The following DLGAP1 variants were observed in gnomAD, a reference collection of about 807,000 sequenced individuals.
The protein encoded by DLGAP1 is DLG associated protein 1.
A neutral mutation model predicts 90.8 loss-of-function variants in DLGAP1; 11 were observed. That is an observed-to-expected ratio of 0.12 (90% CI 0.08 to 0.20). The LOEUF (loss-of-function observed/expected upper bound fraction) is 0.20, where lower values mean the gene tolerates loss of function less well. Ranked by LOEUF, DLGAP1 falls within the 10% of genes least tolerant of loss-of-function variation. DLGAP1 has a pLI of 1.00. For missense variants in DLGAP1, 1,050 were observed against 1,333.8 expected, an observed-to-expected ratio of 0.79 and a Z score of 3.31; for synonymous variants, 558 against 540.7, an observed-to-expected ratio of 1.03 and a Z score of -0.44.
At chr18:3,963,714 T>C (rs931081743) in intron 3 of DLGAP1, among the ~76,000 whole-genome samples, 21 of 152,002 alleles carry the variant, frequency 1.4e-4, no homozygotes, top group African/African-American at 4.6e-4. Context: ...CCTTGATATA[T>C]GCCCTTGTCC....
intron 3 of DLGAP1, among the ~76,000 whole-genome samples, chr18:3,903,031 C>T (rs1217732894): frequency 1.3e-5 from 2 of 152,176 alleles, no homozygotes; most frequent in Non-Finnish European, 2.9e-5. Flanking sequence ...GAAACATTCA[C>T]CATGTGTACA....
intron 1 of DLGAP1, among the ~76,000 whole-genome samples, chr18:4,339,480 A>G (rs36023455): frequency 0.072 from 11,013 of 152,264 alleles, 430 homozygotes; most frequent in Non-Finnish European, 0.081. Context: ...GGAACTTAGA[A>G]TAAAATAAAA....
chr18:3,745,840 C>T (rs1054874467), intron 5 of DLGAP1, among the ~76,000 whole-genome samples: 1 of 152,062 alleles, frequency 6.6e-6, no homozygotes, highest in African/African-American at 2.4e-5. Flanking sequence ...CAGGAACATG[C>T]CATCAAGCCC....
At position 3,526,730 on chromosome 18, in the gene DLGAP1, T is replaced by C. The variant is rs1028893424; in HGVS notation, c.2479+7464A>G. 6.6e-6 allele frequency among the ~76,000 whole-genome samples: 1 copy of C among 152,238 alleles called. No individual in the cohort carries two copies. The highest frequency in any genetic ancestry group is 2.4e-5 in the African/African-American group (1 of 41,456). On this transcript the variant is annotated intron_variant, in intron 10 of 12. Transcript: ENST00000315677. This position sits in a 1 kb window ranked among gnomAD's most constrained non-coding sequence, Gnocchi z 4.7. ...CCACAGTGGTAGACTGCATTCCTAG[T>C]TGGAGGCATTCAGCTCCATCTGGTC...
At chr18:4,098,150 G>C (rs1423075405) in intron 2 of DLGAP1, among the ~76,000 whole-genome samples, 2 of 152,192 alleles carry the variant, frequency 1.3e-5, no homozygotes, top group Non-Finnish European at 2.9e-5. Flanking sequence ...TTGGGCTCAA[G>C]TGATCCTCCT....
At chr18:3,713,474 G>A (rs368082075) in intron 7 of DLGAP1, among the ~76,000 whole-genome samples, 119 of 152,322 alleles carry the variant, frequency 7.8e-4, no homozygotes, top group African/African-American at 2.7e-3. Flanking sequence ...TCTAAAAGGG[G>A]AAATGAGTAA....
At chr18:3,978,229 C>A in intron 3 of DLGAP1, 2 of 430,578 alleles carry the variant, frequency 4.6e-6, no homozygotes, top group East Asian at 6.1e-5. Context: ...TCTCATCGTT[C>A]ATGCCCATCA....
At chr18:4,262,528 G>A (rs958949339) in intron 1 of DLGAP1, among the ~76,000 whole-genome samples, 3 of 152,206 alleles carry the variant, frequency 2.0e-5, no homozygotes, top group Admixed American at 6.5e-5. Context: ...TTAAATGATT[G>A]TTAGCATTTA....
intron 1 of DLGAP1, among the ~76,000 whole-genome samples, chr18:4,269,752 G>A (rs2079232190): frequency 6.6e-6 from 1 of 151,616 alleles, no homozygotes; most frequent in Admixed American, 6.6e-5. Context: ...AAGTTAAAAT[G>A]GCCAATGATA....
Position 3,880,058 on chromosome 18 carries a change from A to G in DLGAP1, c.11T>C (p.Leu4Pro), listed in dbSNP as rs755544030. The change falls in exon 4 of 13, where the codon CTA (leucine) becomes CCA (proline). Residue 4 changes from leucine (L) to proline (P), a missense_variant. By Grantham distance (98) the Leu-to-Pro change is moderately conservative (BLOSUM62 -3). This residue lies in a region of DLGAP1 where 485 missense variants were observed against 454.1 expected (regional missense o/e 1.07). Coordinates refer to ENST00000315677, the MANE Select transcript of DLGAP1 (RefSeq NM_004746.4). ...GTGGTGATGGCTGCGGCTGCCTGAT[A>G]GCCCTTTCATGGCGGACCGGAAGCA... MKG[L>P]SGSRSHHHGV... The G allele has an allele frequency of 1.6e-5, 26 of 1,601,468 alleles. No individual in the cohort carries two copies. The highest frequency in any genetic ancestry group is 2.1e-5 in the Non-Finnish European group (25 of 1,179,740).
intron 1 of DLGAP1, among the ~76,000 whole-genome samples, chr18:4,380,838 CTCT>C (rs1230919221): frequency 2.0e-5 from 3 of 152,178 alleles, no homozygotes; most frequent in African/African-American, 4.8e-5. Flanking sequence ...GACTCAGCCT[CTCT>C]TGAGATATGT....
intron 5 of DLGAP1, among the ~76,000 whole-genome samples, chr18:3,746,907 A>G (rs951473326): frequency 6.6e-6 from 1 of 152,230 alleles, no homozygotes; most frequent in Non-Finnish European, 1.5e-5. Context: ...GGAATTACTT[A>G]ATATATAACA....
chr18:3,527,265 C>T (rs1008828763), intron 10 of DLGAP1, among the ~76,000 whole-genome samples: 1 of 152,142 alleles, frequency 6.6e-6, no homozygotes, highest in Admixed American at 6.5e-5. Flanking sequence ...AATGACATCA[C>T]AAAATAATTA....
At chr18:4,133,281 T>C (rs886909994) in intron 2 of DLGAP1, among the ~76,000 whole-genome samples, 3 of 152,108 alleles carry the variant, frequency 2.0e-5, no homozygotes, top group African/African-American at 7.2e-5. Context: ...GGCTCATGAG[T>C]GCCAACGATT....
chr18:4,375,823 C>T (rs1344060971), intron 1 of DLGAP1, among the ~76,000 whole-genome samples: 1 of 152,118 alleles, frequency 6.6e-6, no homozygotes, highest in Non-Finnish European at 1.5e-5. Context: ...TAAATGTTTT[C>T]TTCAAACAGA....
intron 10 of DLGAP1, among the ~76,000 whole-genome samples, chr18:3,515,056 T>A (rs1017489665): frequency 6.6e-6 from 1 of 152,206 alleles, no homozygotes; most frequent in African/African-American, 2.4e-5. Context: ...GTGACAATTT[T>A]AAAAATAAGA....
At chr18:4,026,453 C>T (rs1463720678) in intron 2 of DLGAP1, among the ~76,000 whole-genome samples, 1 of 152,096 alleles carries the variant, frequency 6.6e-6, no homozygotes, top group African/African-American at 2.4e-5. Context: ...ATACTTAAAA[C>T]TCAAAATTCA....
intron 1 of DLGAP1, among the ~76,000 whole-genome samples, chr18:4,175,454 G>C (rs1322610169): frequency 6.6e-6 from 1 of 152,114 alleles, no homozygotes; most frequent in African/African-American, 2.4e-5. Flanking sequence ...GACATTTGTT[G>C]CAATTCCTTT....
chr18:3,777,026 ATCC>A (rs1469867211), intron 5 of DLGAP1, among the ~76,000 whole-genome samples: 1 of 147,964 alleles, frequency 6.8e-6, no homozygotes, highest in African/African-American at 2.5e-5. Context: ...CTCTCAAGCA[ATCC>A]TCCTGCCTCA....
Sources: gnomAD v4.1 joint callset for allele counts (sites outside exome capture counted in the v4.1 genomes callset) on GRCh38, gnomAD v4.1.1 for gene constraint, gnomAD v4.1.1 regional missense constraint, Gnocchi (gnomAD v3.1) non-coding constraint, MANE v1.5 for transcripts, NCBI Gene and HGNC (gene_info 2026-07-23, HGNC 2026-07-21) for gene names.